The following HPSE variants were observed in gnomAD, a reference collection of about 807,000 sequenced individuals.
HPSE encodes the protein heparanase, also known as endo-glucoronidase.
HPSE carries 48 observed loss-of-function variants against 65.1 expected under a neutral mutation model. The observed-to-expected ratio is 0.74, with a 90% CI of 0.58 to 0.94. The LOEUF (loss-of-function observed/expected upper bound fraction) is 0.94, where lower values mean the gene tolerates loss of function less well. HPSE is among the 40% of genes least tolerant of loss of function. HPSE has a pLI of 0.00. For missense variants in HPSE, 644 were observed against 637.5 expected, an observed-to-expected ratio of 1.01 and a Z score of -0.11; for synonymous variants, 243 against 260.0, an observed-to-expected ratio of 0.93 and a Z score of 0.63.
rs558559287 is a variant in HPSE, at chr4:83,302,812, C to T, written c.1207-544G>A. Among the ~76,000 whole-genome samples the T allele has an allele frequency of 2.3e-3, 356 of 151,964 alleles. 2 individuals carry two copies. Among genetic ancestry groups the T allele is most frequent in the Non-Finnish European group, 3.7e-3 (252 of 67,952 alleles). ...AACATGATGAAACCCCTTCTGTACACAAAATACAAAAAATTAGCCAGGTGT... is the reference window on the plus strand; with the variant it reads ...AACATGATGAAACCCCTTCTGTACATAAAATACAAAAAATTAGCCAGGTGT... On this transcript the variant is annotated intron_variant, in intron 9 of 11. Coordinates refer to ENST00000311412, the MANE Select transcript of HPSE (RefSeq NM_001098540.3).
At chr4:83,332,377 A>G (rs764725456) in intron 1 of HPSE, among the ~76,000 whole-genome samples, 26 of 152,218 alleles carry the variant, frequency 1.7e-4, no homozygotes, top group Non-Finnish European at 3.2e-4. Context: ...TTAGCAGATA[A>G]CACTCTGGGT....
chr4:83,333,453 T>C (rs886142682), intron 1 of HPSE, among the ~76,000 whole-genome samples: 1 of 152,112 alleles, frequency 6.6e-6, no homozygotes, highest in African/African-American at 2.4e-5. Flanking sequence ...AACTATAGTG[T>C]GGGCTCAGGG....
At chr4:83,315,918 T>G (rs1034137813) in intron 3 of HPSE, among the ~76,000 whole-genome samples, 8 of 152,196 alleles carry the variant, frequency 5.3e-5, no homozygotes, top group African/African-American at 1.9e-4. Flanking sequence ...CACTTGGAAT[T>G]TACATAGCTC....
At chr4:83,313,396 C>T in intron 3 of HPSE, 109 bp from the exon 4 acceptor site, 1 of 648,544 alleles carries the variant, frequency 1.5e-6, no homozygotes. Flanking sequence ...TGAAGAAATT[C>T]TAGTTCTAAT....
At chr4:83,303,973 T>C (rs1200457155) in intron 9 of HPSE, among the ~76,000 whole-genome samples, 1 of 151,682 alleles carries the variant, frequency 6.6e-6, no homozygotes, top group Non-Finnish European at 1.5e-5. Flanking sequence ...TCCTACTCTT[T>C]AGTTCTTAGT....
At chr4:83,325,409 G>A (rs989073427) in intron 1 of HPSE, among the ~76,000 whole-genome samples, 5 of 152,060 alleles carry the variant, frequency 3.3e-5, no homozygotes, top group South Asian at 4.1e-4. Context: ...CAGGTGATCC[G>A]CCCACCTCAG....
At chr4:83,309,006 A>T (rs1447207080) in intron 7 of HPSE, 55 bp from the exon 8 acceptor site, 7 of 1,405,526 alleles carry the variant, frequency 5.0e-6, no homozygotes, top group Middle Eastern at 1.8e-4. Context: ...CTGTGGTTTC[A>T]ACTGTGGTGT....
intron 3 of HPSE, among the ~76,000 whole-genome samples, chr4:83,313,884 G>T (rs1271751472): frequency 1.3e-5 from 2 of 152,160 alleles, no homozygotes; most frequent in Admixed American, 1.3e-4. Flanking sequence ...AAAGTGCAGG[G>T]CACCTAGTTA....
chr4:83,333,979 C>T (rs1244538010), intron 1 of HPSE, among the ~76,000 whole-genome samples: 1 of 152,196 alleles, frequency 6.6e-6, no homozygotes, highest in African/African-American at 2.4e-5. Context: ...CACTCACAGG[C>T]CTTCAGGTGC....
At chr4:83,317,561 T>C (rs529626484) in intron 3 of HPSE, among the ~76,000 whole-genome samples, 51 of 152,314 alleles carry the variant, frequency 3.3e-4, no homozygotes, top group African/African-American at 9.6e-4. Flanking sequence ...CCTGGTTGCA[T>C]AGTTAGCAAA....
rs571339823 is a variant in HPSE, at chr4:83,314,624, T to C, written c.500-1337A>G. 8.1e-4 allele frequency among the ~76,000 whole-genome samples: 123 copies of C among 152,354 alleles called. 3 individuals carry two copies. In the South Asian group the frequency reaches 0.017, roughly 21 times the overall value. On this transcript the variant is annotated intron_variant, in intron 3 of 11. Transcript: ENST00000311412. ...TACCACTTTTTGAGAGTGGCAACAA[T>C]ATAATTTTAAGTGTTGTCTTTAAAT...
chr4:83,334,693 G>A lies in HPSE; in HGVS notation c.90C>T (p.Pro30=). Residue 30 remains proline, a synonymous_variant, in exon 1 of 12, where the codon CCC becomes CCT. Coordinates refer to ENST00000311412, the MANE Select transcript of HPSE (RefSeq NM_001098540.3). ...PLGPLSPGAL[P]RPAQAQDVVD... ...CGACGTCCTGTGCTTGCGCAGGTCG[G>A]GGCAGGGCGCCAGGGGAGAGGGGAC... The A allele has an allele frequency of 6.4e-7, 1 of 1,570,702 alleles. No homozygotes were observed. The highest frequency in any genetic ancestry group is 8.6e-7 in the Non-Finnish European group (1 of 1,157,824).
intron 3 of HPSE, among the ~76,000 whole-genome samples, chr4:83,314,314 A>G (rs1402303067): frequency 1.3e-5 from 2 of 152,050 alleles, no homozygotes; most frequent in East Asian, 3.8e-4. Flanking sequence ...AAAATAATTA[A>G]CATGAAAAAA....
At chr4:83,333,715 T>C (rs2126200194) in intron 1 of HPSE, among the ~76,000 whole-genome samples, 1 of 152,224 alleles carries the variant, frequency 6.6e-6, no homozygotes, top group East Asian at 1.9e-4. Context: ...CAGCACCACA[T>C]TTTGCAGCCC....
chr4:83,312,633 G>C (rs1320807273), intron 4 of HPSE, among the ~76,000 whole-genome samples: 1 of 141,188 alleles, frequency 7.1e-6, no homozygotes, highest in East Asian at 2.2e-4. Flanking sequence ...AGCCGAGATG[G>C]CGCCACTGCA....
At chr4:83,300,074 G>GA (rs1263738536) in intron 11 of HPSE, among the ~76,000 whole-genome samples, 1 of 152,144 alleles carries the variant, frequency 6.6e-6, no homozygotes, top group Admixed American at 6.5e-5. Context: ...ACATTGAACA[G>GA]AAACCTTAAA....
At chr4:83,308,515 G>T (rs1303306454) in intron 8 of HPSE, among the ~76,000 whole-genome samples, 1 of 152,138 alleles carries the variant, frequency 6.6e-6, no homozygotes, top group Non-Finnish European at 1.5e-5. Context: ...CCAAAGTATT[G>T]GGATTACAGG....
At position 83,302,234 on chromosome 4, in the gene HPSE, A is replaced by C; in HGVS notation, c.1241T>G (p.Val414Gly). Residue 414 changes from valine (V) to glycine (G), a missense_variant, in exon 10 of 12, where the codon GTG (valine) becomes GGG (glycine). By Grantham distance (109) the Val-to-Gly change is moderately radical (BLOSUM62 -3). Coordinates refer to ENST00000311412, the MANE Select transcript of HPSE (RefSeq NM_001098540.3). The part of the protein sequence containing the change: ...YWLSLLFKKL[V>G]GTKVLMASVQ... ...GCTTGCCATTAACACCTTGGTGCCC[A>C]CCAATTTCTTGAACAGAAGAGATAG... 6.2e-7 allele frequency: 1 copy of C among 1,613,826 alleles called. No individual in the cohort carries two copies. Among genetic ancestry groups the C allele is most frequent in the African/African-American group, 1.3e-5 (1 of 75,052 alleles).
intron 9 of HPSE, among the ~76,000 whole-genome samples, chr4:83,302,665 G>A (rs139195039): frequency 6.6e-6 from 1 of 152,162 alleles, no homozygotes; most frequent in Non-Finnish European, 1.5e-5. Flanking sequence ...TAAAACTTCT[G>A]TCTGTTTAGA....
Sources: gnomAD v4.1 joint callset for allele counts (sites outside exome capture counted in the v4.1 genomes callset) on GRCh38, gnomAD v4.1.1 for gene constraint, MANE v1.5 for transcripts, NCBI Gene and HGNC (gene_info 2026-07-23, HGNC 2026-07-21) for gene names.